Variants in STOML3 observed in about 807,000 individuals in gnomAD.
The protein encoded by STOML3 is stomatin-like protein 3.
A neutral mutation model predicts 29.5 loss-of-function variants in STOML3; 31 were observed. The ratio of observed to expected loss-of-function variants is 1.05; its 90% confidence interval spans 0.79 to 1.42. STOML3 has a LOEUF of 1.42. Ranked by LOEUF, STOML3 falls within the 40% of genes most tolerant of loss-of-function variation. The pLI, the probability that STOML3 is intolerant of heterozygous loss-of-function variation, is 0.00. For synonymous variants in STOML3, 122 were observed against 139.8 expected, an observed-to-expected ratio of 0.87 and a Z score of 0.90; for missense variants, 380 against 363.0, an observed-to-expected ratio of 1.05 and a Z score of -0.38.
At chr13:38,969,040 T>A (rs936212295) in intron 5 of STOML3, among the ~76,000 whole-genome samples, 1 of 152,328 alleles carries the variant, frequency 6.6e-6, no homozygotes, top group East Asian at 1.9e-4. Context: ...ATGGAGACAA[T>A]ACATATAAGA....
chr13:38,976,776 C>T lies in STOML3; in HGVS notation c.74G>A (p.Gly25Asp), dbSNP rs752618533. Residue 25 changes from glycine (G) to aspartate (D), a missense_variant, in exon 2 of 7, where the codon GGT becomes GAT. By Grantham distance (94) the Gly-to-Asp change is moderately conservative (BLOSUM62 -1). Transcript: ENST00000379631. Reference protein sequence around the residue: ...NFVGVNNKRLGVCGWILFSLS... With the variant: ...NFVGVNNKRLDVCGWILFSLS... ...GGAAAACAGGATCCAGCCACATACA[C>T]CAAGCCGTTTATTGTTGACACCTAG... 4.8e-5 allele frequency: 77 copies of T among 1,613,666 alleles called. 1 individual carries two copies. Among genetic ancestry groups the T allele is most frequent in the Non-Finnish European group, 2.6e-5 (31 of 1,179,886 alleles).
At chr13:38,967,144 G>T in intron 6 of STOML3, 95 bp from the exon 7 acceptor site, 1 of 1,108,964 alleles carries the variant, frequency 9.0e-7, no homozygotes, top group Non-Finnish European at 1.3e-6. Flanking sequence ...CCTCTCCCCA[G>T]CCCCCATGTT....
chr13:38,984,278 G>T (rs866244319), intron 1 of STOML3, among the ~76,000 whole-genome samples: 3 of 152,132 alleles, frequency 2.0e-5, no homozygotes, highest in Non-Finnish European at 2.9e-5. Context: ...CACACATCTT[G>T]TCCCTTTGCA....
chr13:38,990,431 A>G (rs1238165314), intron 1 of STOML3, among the ~76,000 whole-genome samples: 1 of 152,178 alleles, frequency 6.6e-6, no homozygotes, highest in African/African-American at 2.4e-5. Flanking sequence ...GAAGAAATTC[A>G]AAGATAAACA....
rs1346377059 is a variant in STOML3 at position 38,987,889 on chromosome 13, ATATAT to A, written c.52+2776_52+2780del. Among the ~76,000 whole-genome samples the A allele has an allele frequency of 9.8e-5, 7 of 71,380 alleles. 1 individual carries two copies. The highest frequency in any genetic ancestry group is 1.3e-4 in the Non-Finnish European group (6 of 47,974). 46.8% of individuals were successfully genotyped at this position (71,380 alleles called of 152,430 possible). On this transcript the variant is annotated intron_variant, in intron 1 of 6. Coordinates refer to ENST00000379631, the MANE Select transcript of STOML3 (RefSeq NM_145286.3). ...TATATAATATATTATATTTTATATA[ATATAT>A]TATGTTATATATAATATATTATATT... is the stretch of plus-strand genomic sequence containing the variant.
In STOML3 at chr13:38,968,513, C is replaced by G; in HGVS notation, c.538G>C (p.Glu180Gln). The G allele has an allele frequency of 6.2e-7, 1 of 1,614,066 alleles. No homozygotes were observed. ...SIQTLLDDATELWGIRVARVE... is the reference protein window; with the variant it reads ...SIQTLLDDATQLWGIRVARVE... ...CGGGCCACCCGGATCCCCCACAGTT[C>G]GGTGGCATCATCAAGTAAAGTCTGT... is the stretch of plus-strand genomic sequence containing the variant. Residue 180 changes from glutamate to glutamine, a missense_variant, in exon 6 of 7, where the codon GAA becomes CAA. Coordinates refer to ENST00000379631, the MANE Select transcript of STOML3 (RefSeq NM_145286.3).
Position 38,990,099 on chromosome 13 carries a change from T to C in STOML3, c.52+571A>G, listed in dbSNP as rs964867908. Among the ~76,000 whole-genome samples, 4 of 152,172 alleles carry C rather than the reference T, an allele frequency of 2.6e-5. No homozygotes were observed. In the East Asian group the frequency reaches 7.7e-4, roughly 29 times the overall value. On this transcript the variant is annotated intron_variant, in intron 1 of 6. Transcript: ENST00000379631. The stretch of plus-strand genomic sequence containing the variant: ...CAAAATGCTTTGTAACACATAATAG[T>C]CATTAGTATTAATGATAGTAGTTGG...
At chr13:38,982,242 T>A (rs964037073) in intron 1 of STOML3, among the ~76,000 whole-genome samples, 11 of 149,410 alleles carry the variant, frequency 7.4e-5, no homozygotes, top group African/African-American at 2.5e-4. Context: ...GCATTTTCTT[T>A]AAAAAAAAAA....
intron 1 of STOML3, among the ~76,000 whole-genome samples, chr13:38,988,816 A>T (rs1389555324): frequency 1.4e-5 from 2 of 143,054 alleles, no homozygotes; most frequent in East Asian, 2.0e-4. Context: ...AGTATATAGT[A>T]TATATAATTA....
At chr13:38,979,246 G>A (rs1179740523) in intron 1 of STOML3, among the ~76,000 whole-genome samples, 2 of 152,140 alleles carry the variant, frequency 1.3e-5, no homozygotes, top group Non-Finnish European at 2.9e-5. Context: ...CATTACACAA[G>A]ATGGAAAGAC....
chr13:38,979,989 G>T, intron 1 of STOML3: 1 of 1,509,522 alleles, frequency 6.6e-7, no homozygotes, highest in African/African-American at 1.4e-5. Flanking sequence ...CATTTCCAAA[G>T]TAGACACAGC....
chr13:38,980,212 GCTT>G, intron 1 of STOML3: 2 of 1,387,758 alleles, frequency 1.4e-6, no homozygotes, highest in Non-Finnish European at 2.0e-6. Context: ...CCAGGCCGCG[GCTT>G]CTGGGAGAAT....
intron 4 of STOML3, among the ~76,000 whole-genome samples, chr13:38,971,721 G>A (rs996125137): frequency 4.6e-5 from 7 of 152,002 alleles, no homozygotes; most frequent in Non-Finnish European, 5.9e-5. Flanking sequence ...TCAGGAGTTC[G>A]AGAGACCAGT....
intron 6 of STOML3, among the ~76,000 whole-genome samples, chr13:38,967,609 C>T (rs901256716): frequency 4.6e-5 from 7 of 152,176 alleles, no homozygotes; most frequent in African/African-American, 1.7e-4. Context: ...TCAGACTGTC[C>T]AGGAGTGATT....
chr13:38,974,085 G>C (rs1880985759), intron 3 of STOML3, among the ~76,000 whole-genome samples: 3 of 152,058 alleles, frequency 2.0e-5, no homozygotes, highest in Admixed American at 1.3e-4. Context: ...GTTGGAGCTG[G>C]GTCAGGGAAG....
chr13:38,989,419 C>T (rs1202162381), intron 1 of STOML3, among the ~76,000 whole-genome samples: 1 of 152,128 alleles, frequency 6.6e-6, no homozygotes, highest in Non-Finnish European at 1.5e-5. Context: ...TCAAGCTTTT[C>T]ATGCCTACTT....
At chr13:38,968,585 G>A (rs1448996463) in intron 5 of STOML3, 51 bp from the exon 6 acceptor site, 4 of 1,598,186 alleles carry the variant, frequency 2.5e-6, no homozygotes, top group East Asian at 2.2e-5. Context: ...GTGATATGAT[G>A]TATGTTTCTG....
intron 3 of STOML3, among the ~76,000 whole-genome samples, chr13:38,974,354 CT>C (rs1213175991): frequency 6.6e-6 from 1 of 151,986 alleles, no homozygotes; most frequent in African/African-American, 2.4e-5. Flanking sequence ...TGGTGAAGTG[CT>C]TTCTTTCTTT....
intron 1 of STOML3, among the ~76,000 whole-genome samples, chr13:38,984,521 C>T (rs1868431680): frequency 6.6e-6 from 1 of 151,986 alleles, no homozygotes; most frequent in Non-Finnish European, 1.5e-5. Context: ...TTTATTGTAC[C>T]TTTTCTATGT....
Sources: allele counts gnomAD v4.1 joint callset (sites outside exome capture counted in the v4.1 genomes callset), GRCh38; gene constraint gnomAD v4.1.1; transcripts MANE v1.5; gene names NCBI Gene and HGNC (gene_info 2026-07-23, HGNC 2026-07-21).